Variants in AGBL4 observed in about 807,000 individuals in gnomAD.
The protein encoded by AGBL4 is AGBL carboxypeptidase 4, also known as cytosolic carboxypeptidase 6.
Under a neutral mutation model 66.4 loss-of-function variants are expected in AGBL4, and 58 were observed. That is an observed-to-expected ratio of 0.87 (90% confidence interval 0.71 to 1.09). AGBL4 has a LOEUF of 1.09. AGBL4 is among the 50% of genes least tolerant of loss of function. AGBL4 has a pLI of 0.00. For missense variants in AGBL4, 579 were observed against 631.0 expected (o/e 0.92, Z 0.88); for synonymous variants, 234 against 222.9 (o/e 1.05, Z -0.44).
intron 1 of AGBL4, among the ~76,000 whole-genome samples, chr1:49,871,794 G>A: frequency 6.6e-6 from 1 of 152,092 alleles, no homozygotes; most frequent in Admixed American, 6.6e-5. Flanking sequence ...TAAAATTGTT[G>A]TATTCCACAG....
chr1:49,151,035 G>A (rs1205617565), intron 4 of AGBL4, among the ~76,000 whole-genome samples: 4 of 152,036 alleles, frequency 2.6e-5, no homozygotes, highest in Admixed American at 6.6e-5. Context: ...TTGGGAGGCC[G>A]AGGAGGGTGG....
At chr1:49,577,054 G>A (rs1198483841) in intron 3 of AGBL4, among the ~76,000 whole-genome samples, 1 of 152,212 alleles carries the variant, frequency 6.6e-6, no homozygotes, top group Non-Finnish European at 1.5e-5. Context: ...CAATTGTTTG[G>A]AAGCATGATC....
At chr1:49,155,371 C>A (rs190390865) in intron 4 of AGBL4, among the ~76,000 whole-genome samples, 7 of 152,222 alleles carry the variant, frequency 4.6e-5, no homozygotes, top group African/African-American at 1.7e-4. Context: ...ATATATTGAG[C>A]ATTTACTATG....
At chr1:49,287,010 C>G (rs1372121540) in intron 3 of AGBL4, among the ~76,000 whole-genome samples, 1 of 151,748 alleles carries the variant, frequency 6.6e-6, no homozygotes, top group South Asian at 2.1e-4. Context: ...GGTACCAAAA[C>G]AGAGATATAG....
intron 5 of AGBL4, among the ~76,000 whole-genome samples, chr1:49,004,307 GATC>G (rs113074995): frequency 0.011 from 1,750 of 152,294 alleles, 31 homozygotes; most frequent in African/African-American, 0.04. Flanking sequence ...TCAGGAAACA[GATC>G]ATCAAGAGAT....
At chr1:49,892,957 C>T (rs1196930848) in intron 1 of AGBL4, among the ~76,000 whole-genome samples, 1 of 152,024 alleles carries the variant, frequency 6.6e-6, no homozygotes, top group East Asian at 1.9e-4. Flanking sequence ...TAATACTTTG[C>T]AGTTTTGTTC....
chr1:49,366,113 C>G (rs1317970633), intron 3 of AGBL4, among the ~76,000 whole-genome samples: 1 of 152,052 alleles, frequency 6.6e-6, no homozygotes, highest in Non-Finnish European at 1.5e-5. Flanking sequence ...ACTTTCAATG[C>G]TTAAGAAAAA....
intron 3 of AGBL4, among the ~76,000 whole-genome samples, chr1:49,692,717 CAA>C (rs1205355419): frequency 2.8e-4 from 23 of 82,344 alleles, no homozygotes; most frequent in Admixed American, 5.3e-4. Context: ...GACTCTGTCT[CAA>C]AAAAAAAAAA....
At chr1:49,116,453 G>A (rs886810683) in intron 4 of AGBL4, among the ~76,000 whole-genome samples, 2 of 152,156 alleles carry the variant, frequency 1.3e-5, no homozygotes, top group South Asian at 2.1e-4. Context: ...TCCCACCTAT[G>A]AGTGAGAACA....
At chr1:48,785,092 A>C (rs987395428) in intron 6 of AGBL4, among the ~76,000 whole-genome samples, 1 of 152,178 alleles carries the variant, frequency 6.6e-6, no homozygotes, top group African/African-American at 2.4e-5. Context: ...TTCCTCAGGA[A>C]AGTCCTCCCT....
intron 4 of AGBL4, among the ~76,000 whole-genome samples, chr1:49,063,832 C>A (rs1025200841): frequency 6.6e-6 from 1 of 152,164 alleles, no homozygotes; most frequent in African/African-American, 2.4e-5. Context: ...TAGCAAGTGC[C>A]ATTGATGTTT....
At chr1:49,067,162 C>T (rs1488935989) in intron 4 of AGBL4, among the ~76,000 whole-genome samples, 1 of 152,022 alleles carries the variant, frequency 6.6e-6, no homozygotes, top group Admixed American at 6.6e-5. Flanking sequence ...TGTTAGCAGA[C>T]CCATTTGAGT....
chr1:49,299,878 T>A (rs569436243), intron 3 of AGBL4, among the ~76,000 whole-genome samples: 1 of 152,072 alleles, frequency 6.6e-6, no homozygotes, highest in East Asian at 1.9e-4. Context: ...ATTCTGTCAA[T>A]TTTTTTTCCA....
chr1:48,765,100 T>C (rs531418722), intron 6 of AGBL4, among the ~76,000 whole-genome samples: 8 of 151,980 alleles, frequency 5.3e-5, no homozygotes, highest in Non-Finnish European at 1.0e-4. Context: ...CTCTCAAAGA[T>C]GCATTACACA....
Position 49,202,422 on chromosome 1 carries a change from G to C in AGBL4, c.377+43348C>G, listed in dbSNP as rs565900896. 7.9e-5 allele frequency among the ~76,000 whole-genome samples: 12 copies of C among 152,162 alleles called. No homozygotes were observed. The East Asian group carries it at 2.3e-3, about 30-fold the overall frequency. On this transcript the variant is annotated intron_variant, in intron 4 of 13. Coordinates refer to ENST00000371839, the MANE Select transcript of AGBL4 (RefSeq NM_032785.4). ...CAAAGAGGTATGGTACTGGCATCAA[G>C]ACAGACATGTAGACCATGAAACAGA...
At chr1:49,035,818 C>T (rs535632406) in intron 5 of AGBL4, among the ~76,000 whole-genome samples, 1 of 152,196 alleles carries the variant, frequency 6.6e-6, no homozygotes, top group African/African-American at 2.4e-5. Context: ...GGCATATGAA[C>T]AATTTCTATA....
At chr1:48,884,686 T>C (rs957130976) in intron 5 of AGBL4, among the ~76,000 whole-genome samples, 1 of 152,194 alleles carries the variant, frequency 6.6e-6, no homozygotes, top group African/African-American at 2.4e-5. Flanking sequence ...CATCTGCATA[T>C]TATATCCCTA....
At chr1:48,749,608 C>T (rs971489546) in intron 6 of AGBL4, among the ~76,000 whole-genome samples, 1 of 152,168 alleles carries the variant, frequency 6.6e-6, no homozygotes, top group Non-Finnish European at 1.5e-5. Flanking sequence ...CTCTGTGGGA[C>T]CCTCAGCTCA....
intron 3 of AGBL4, among the ~76,000 whole-genome samples, chr1:49,508,507 G>A (rs1648897649): frequency 6.6e-6 from 1 of 151,832 alleles, no homozygotes; most frequent in Non-Finnish European, 1.5e-5. Flanking sequence ...TGGACTGAGG[G>A]CCCACGCAGA....
Sources: allele counts gnomAD v4.1 joint callset (sites outside exome capture counted in the v4.1 genomes callset), GRCh38; gene constraint gnomAD v4.1.1; transcripts MANE v1.5; gene names NCBI Gene and HGNC (gene_info 2026-07-23, HGNC 2026-07-21).